DAB1: variants seen among roughly 807,000 people sequenced by gnomAD.
The protein encoded by DAB1 is disabled homolog 1.
DAB1 carries 15 observed loss-of-function variants against 64.6 expected under a neutral mutation model. The ratio of observed to expected loss-of-function variants is 0.23; its 90% CI spans 0.16 to 0.36. The LOEUF (loss-of-function observed/expected upper bound fraction) is 0.36. Ranked by LOEUF, DAB1 falls within the 10% of genes least tolerant of loss-of-function variation. DAB1 has a pLI of 1.00. For synonymous variants in DAB1, 235 were observed against 251.9 expected, an observed-to-expected ratio of 0.93 and a Z score of 0.64; for missense variants, 596 against 706.7, an observed-to-expected ratio of 0.84 and a Z score of 1.78.
At chr1:57,700,035 T>C (rs1646889382) in intron 6 of DAB1, among the ~76,000 whole-genome samples, 1 of 152,204 alleles carries the variant, frequency 6.6e-6, no homozygotes. Context: ...CTTCTGTCTC[T>C]TTTCTAACTT....
chr1:58,241,254 C>T (rs1660281768), intron 4 of DAB1, among the ~76,000 whole-genome samples: 1 of 151,926 alleles, frequency 6.6e-6, no homozygotes, highest in South Asian at 2.1e-4. Context: ...TTATTTGAAA[C>T]ATTTTAGTCC....
chr1:58,276,064 A>G (rs1661436126), intron 4 of DAB1, among the ~76,000 whole-genome samples: 5 of 152,242 alleles, frequency 3.3e-5, no homozygotes, highest in Admixed American at 3.3e-4. Context: ...AGTTACAAAA[A>G]GACAAATACT....
At chr1:57,209,519 G>A (rs1308548204) in intron 2 of DAB1, among the ~76,000 whole-genome samples, 2 of 152,154 alleles carry the variant, frequency 1.3e-5, no homozygotes, top group African/African-American at 2.4e-5. Context: ...AAGAAAAGAT[G>A]GATGCCTGGT....
chr1:57,750,032 T>C (rs994469205), intron 6 of DAB1, among the ~76,000 whole-genome samples: 1 of 152,068 alleles, frequency 6.6e-6, no homozygotes, highest in African/African-American at 2.4e-5. Context: ...GTAAGGAAAA[T>C]AAGGATGGAA....
At chr1:57,459,403 T>A (rs1200786969) in intron 7 of DAB1, among the ~76,000 whole-genome samples, 1 of 152,184 alleles carries the variant, frequency 6.6e-6, no homozygotes, top group Non-Finnish European at 1.5e-5. Flanking sequence ...ACCTTTGCAC[T>A]CAGCTCTGTT....
At chr1:57,438,628 G>A (rs1213773663) in intron 7 of DAB1, among the ~76,000 whole-genome samples, 8 of 152,140 alleles carry the variant, frequency 5.3e-5, no homozygotes, top group Non-Finnish European at 1.2e-4. Context: ...TAAATAACTT[G>A]CTCAGGGTCA....
At chr1:58,414,543 A>T (rs1434319707) in intron 3 of DAB1, among the ~76,000 whole-genome samples, 1 of 152,234 alleles carries the variant, frequency 6.6e-6, no homozygotes, top group Non-Finnish European at 1.5e-5. Context: ...TAAGTGTTTC[A>T]TGTTTCTTGA....
intron 4 of DAB1, among the ~76,000 whole-genome samples, chr1:58,341,310 A>G (rs1257511598): frequency 1.3e-5 from 2 of 152,160 alleles, no homozygotes; most frequent in Non-Finnish European, 2.9e-5. Flanking sequence ...GAGGATGGAA[A>G]AACTGTGGCC....
At chr1:58,399,141 C>G (rs1397233946) in intron 3 of DAB1, among the ~76,000 whole-genome samples, 1 of 152,216 alleles carries the variant, frequency 6.6e-6, no homozygotes, top group Non-Finnish European at 1.5e-5. Flanking sequence ...TAAGTCAAGT[C>G]AGCATGGGAG....
At chr1:57,178,455 T>C (rs1390161930) in intron 2 of DAB1, among the ~76,000 whole-genome samples, 1 of 152,196 alleles carries the variant, frequency 6.6e-6, no homozygotes, top group Non-Finnish European at 1.5e-5. Context: ...TTCATAGATA[T>C]GTAAGTTGTA....
intron 5 of DAB1, among the ~76,000 whole-genome samples, chr1:58,101,150 A>G (rs1651294173): frequency 6.6e-6 from 1 of 152,008 alleles, no homozygotes; most frequent in South Asian, 2.1e-4. Flanking sequence ...CCCTGTCTCT[A>G]CTAAAAAACA....
chr1:57,484,986 T>C (rs114844207), intron 7 of DAB1, among the ~76,000 whole-genome samples: 1 of 152,156 alleles, frequency 6.6e-6, no homozygotes, highest in African/African-American at 2.4e-5. Flanking sequence ...AGGTATCAAG[T>C]CCTGGCACTG....
intron 7 of DAB1, among the ~76,000 whole-genome samples, chr1:57,449,484 G>C (rs1158799164): frequency 6.6e-6 from 1 of 151,326 alleles, no homozygotes; most frequent in Non-Finnish European, 1.5e-5. Flanking sequence ...GGGCTTAAGA[G>C]ATCCTCTTGA....
chr1:57,421,184 C>T (rs1684855636), intron 1 of DAB1, among the ~76,000 whole-genome samples: 1 of 152,124 alleles, frequency 6.6e-6, no homozygotes, highest in African/African-American at 2.4e-5. Flanking sequence ...AAGAATATTC[C>T]TCTCTGGGTT....
At chr1:58,245,118 G>T (rs1660471439) in intron 4 of DAB1, among the ~76,000 whole-genome samples, 2 of 152,224 alleles carry the variant, frequency 1.3e-5, no homozygotes, top group African/African-American at 4.8e-5. Flanking sequence ...CAGAAGAACA[G>T]TACTGGGGAA....
intron 2 of DAB1, among the ~76,000 whole-genome samples, chr1:57,212,363 T>TTTC (rs1666082684): frequency 8.7e-6 from 1 of 114,830 alleles, no homozygotes; most frequent in Non-Finnish European, 1.8e-5. Flanking sequence ...TATTTCCTTT[T>TTTC]TTTTTTTTTT....
At chr1:57,810,981 GT>G (rs1049550120) in intron 6 of DAB1, among the ~76,000 whole-genome samples, 19 of 152,304 alleles carry the variant, frequency 1.2e-4, no homozygotes, top group African/African-American at 4.6e-4. Flanking sequence ...GCTTCTAGCA[GT>G]TGCCAGCATT....
At chr1:57,448,769 GACACAC>G (rs59445697) in intron 7 of DAB1, among the ~76,000 whole-genome samples, 8,260 of 149,960 alleles carry the variant, frequency 0.055, 293 homozygotes, top group East Asian at 0.18. Context: ...TAGCAATTCT[GACACAC>G]ACACACACAC....
At chr1:58,501,019 A>C (rs1398200717) in intron 3 of DAB1, among the ~76,000 whole-genome samples, 1 of 152,192 alleles carries the variant, frequency 6.6e-6, no homozygotes, top group African/African-American at 2.4e-5. Context: ...AAATTGATAC[A>C]ACATCTGCTC....
Sources: allele counts gnomAD v4.1 joint callset (sites outside exome capture counted in the v4.1 genomes callset), GRCh38; gene constraint gnomAD v4.1.1; transcripts MANE v1.5; gene names NCBI Gene and HGNC (gene_info 2026-07-23, HGNC 2026-07-21).